Variants in VWDE observed in about 807,000 individuals in gnomAD.
The protein encoded by VWDE is von Willebrand factor D and EGF domain-containing protein.
Under a neutral mutation model 178.4 loss-of-function variants are expected in VWDE, and 207 were observed. The ratio of observed to expected loss-of-function variants is 1.16; its 90% CI spans 1.04 to 1.30. The LOEUF is 1.30. Ranked by LOEUF, VWDE falls within the 50% of genes most tolerant of loss-of-function variation. The pLI is 0.00. For missense variants in VWDE, 2,287 were observed against 1,901.3 expected (o/e 1.20, Z -3.77); for synonymous variants, 738 against 651.4 (o/e 1.13, Z -2.02).
intron 1 of VWDE, among the ~76,000 whole-genome samples, chr7:12,398,560 G>C (rs572426151): frequency 2.6e-5 from 4 of 152,090 alleles, no homozygotes; most frequent in East Asian, 1.9e-4. Context: ...AGATGGATTT[G>C]AGACTGATCT....
chr7:12,373,634 A>G (rs534211549), intron 9 of VWDE, among the ~76,000 whole-genome samples: 1 of 152,232 alleles, frequency 6.6e-6, no homozygotes, highest in African/African-American at 2.4e-5. Context: ...CACAGCAAGT[A>G]TCTTCCTCAG....
In VWDE at chr7:12,369,807, ACT is replaced by A; in HGVS notation, c.2497_2498del (p.Ser833CysfsTer14). Reference sequence around the variant, plus strand: ...CATCCTTCACACACATCTCTATAACACTGTCTAATCTCTTGCCAAGAAAAGCA... The same window carrying A: ...CATCCTTCACACACATCTCTATAACAGTCTAATCTCTTGCCAAGAAAAGCA... Reference protein sequence around the residue: ...CLAFLGKRLDSVIEMCVKDVL... With the variant: ...CLAFLGKRLDXVIEMCVKDVL... On this transcript the variant is annotated frameshift_variant, in exon 12 of 29. Transcript: ENST00000275358. LOFTEE classifies it high-confidence loss of function. 1 of 1,551,414 alleles carries A rather than the reference ACT, an allele frequency of 6.4e-7. No homozygotes were observed. The highest frequency in any genetic ancestry group is 1.4e-5 in the African/African-American group (1 of 73,094).
At chr7:12,369,142 A>G (rs537757241) in intron 12 of VWDE, among the ~76,000 whole-genome samples, 68 of 152,274 alleles carry the variant, frequency 4.5e-4, no homozygotes, top group African/African-American at 1.6e-3. Context: ...AGTGCTTTAA[A>G]AATACTAAAT....
rs1783423263 is a variant in VWDE at position 12,374,823 on chromosome 7, A to T, written c.1243-61T>A. 2.5e-6 allele frequency: 3 copies of T among 1,212,890 alleles called. No homozygotes were observed. In the Admixed American group the frequency reaches 8.0e-5, roughly 32 times the overall value. 75.1% of individuals were successfully genotyped at this position (1,212,890 alleles called of 1,614,324 possible). On this transcript the variant is annotated intron_variant, in intron 8 of 28. Transcript: ENST00000275358. ...TTAATTATATTTAGTGATATATAAA[A>T]AATTGCTTAGCAATCTCAACAAACT...
At chr7:12,399,297 G>T (rs1176824370) in intron 1 of VWDE, among the ~76,000 whole-genome samples, 5 of 152,000 alleles carry the variant, frequency 3.3e-5, no homozygotes, top group African/African-American at 1.2e-4. Context: ...ATCAAACAAA[G>T]AAGAACTTGA....
At chr7:12,388,990 T>C (rs1410036013) in intron 3 of VWDE, 137 bp downstream of exon 3, 4 of 779,874 alleles carry the variant, frequency 5.1e-6, no homozygotes, top group African/African-American at 3.4e-5. Context: ...AACAGAAATT[T>C]AGCTTCAATC....
At chr7:12,354,420 C>G in intron 18 of VWDE, 1 of 443,456 alleles carries the variant, frequency 2.3e-6, no homozygotes. Context: ...CAAAGGTATT[C>G]AGGCATGCTA....
intron 16 of VWDE, 31 bp downstream of exon 16, chr7:12,359,547 G>T: frequency 7.1e-7 from 1 of 1,407,020 alleles, no homozygotes; most frequent in African/African-American, 1.4e-5. Context: ...TCTTGTATAG[G>T]AAATATTTGG....
At chr7:12,392,604 C>T (rs185607827) in intron 2 of VWDE, among the ~76,000 whole-genome samples, 1 of 152,198 alleles carries the variant, frequency 6.6e-6, no homozygotes, top group East Asian at 1.9e-4. Flanking sequence ...ATAAGTAATG[C>T]AAGATAGCTG....
chr7:12,356,196 A>G lies in VWDE; in HGVS notation c.3660T>C (p.Ser1220=). Residue 1220 remains serine, a synonymous_variant, in exon 18 of 29, where the codon AGT becomes AGC. Transcript: ENST00000275358. The stretch of plus-strand genomic sequence containing the variant: ...GACCACAAGGGTTGGATTGGCACCC[A>G]CTAATGTCCACTTCACAAAGGCTGC... ...FHGSLCEVDI[S]GCQSNPCGLG... 3.2e-6 allele frequency: 5 copies of G among 1,551,598 alleles called. No individual in the cohort carries two copies. Among genetic ancestry groups the G allele is most frequent in the South Asian group, 1.2e-5 (1 of 84,054 alleles).
At chr7:12,389,784 G>A (rs1784294780) in intron 2 of VWDE, among the ~76,000 whole-genome samples, 1 of 152,176 alleles carries the variant, frequency 6.6e-6, no homozygotes, top group Non-Finnish European at 1.5e-5. Flanking sequence ...AGAAGTTAAT[G>A]CATAGTTCAG....
intron 19 of VWDE, among the ~76,000 whole-genome samples, chr7:12,350,887 A>G (rs1781894026): frequency 6.6e-6 from 1 of 152,162 alleles, no homozygotes; most frequent in Non-Finnish European, 1.5e-5. Flanking sequence ...AAGAAAGTAA[A>G]TAAGAATAGC....
intron 17 of VWDE, 77 bp downstream of exon 17, chr7:12,357,188 G>C: frequency 6.7e-7 from 1 of 1,486,276 alleles, no homozygotes; most frequent in African/African-American, 1.4e-5. Flanking sequence ...TAGCAATATG[G>C]CTTGTATTTT....
intron 16 of VWDE, among the ~76,000 whole-genome samples, chr7:12,357,830 T>C (rs545674270): frequency 1.9e-4 from 29 of 152,246 alleles, no homozygotes; most frequent in African/African-American, 6.7e-4. Flanking sequence ...TACTTCTTGG[T>C]GTTGACTGCC....
intron 12 of VWDE, among the ~76,000 whole-genome samples, chr7:12,367,841 T>C (rs1420038693): frequency 6.6e-6 from 1 of 152,168 alleles, no homozygotes; most frequent in Admixed American, 6.6e-5. Context: ...GCCATATAGC[T>C]GGGTTATAGA....
chr7:12,390,485 T>C (rs1784335845), intron 2 of VWDE, among the ~76,000 whole-genome samples: 1 of 151,924 alleles, frequency 6.6e-6, no homozygotes, highest in African/African-American at 2.4e-5. Context: ...ATTCTTGTTA[T>C]TATTTCTATG....
chr7:12,383,670 A>C, intron 3 of VWDE, 69 bp from the exon 4 acceptor site: 1 of 1,252,312 alleles, frequency 8.0e-7, no homozygotes, highest in Non-Finnish European at 1.1e-6. Flanking sequence ...TATATCCAAG[A>C]TGACAATTTA....
chr7:12,343,199 A>G, intron 21 of VWDE, 21 bp from the exon 22 acceptor site: 1 of 1,514,598 alleles, frequency 6.6e-7, no homozygotes, highest in Non-Finnish European at 8.9e-7. Context: ...AGATTATGTT[A>G]TTATGTCAGT....
chr7:12,378,318 C>T (rs1284991835), intron 6 of VWDE, among the ~76,000 whole-genome samples: 1 of 152,180 alleles, frequency 6.6e-6, no homozygotes, highest in African/African-American at 2.4e-5. Context: ...ATTAATACCA[C>T]CATCTCAATT....
Sources: gnomAD v4.1 joint callset for allele counts (sites outside exome capture counted in the v4.1 genomes callset) on GRCh38, gnomAD v4.1.1 for gene constraint, MANE v1.5 for transcripts, NCBI Gene and HGNC (gene_info 2026-07-23, HGNC 2026-07-21) for gene names.